OSBPL3: variants seen among roughly 807,000 people sequenced by gnomAD.
OSBPL3 encodes oxysterol-binding protein-related protein 3.
OSBPL3 carries 65 observed loss-of-function variants against 120.1 expected under a neutral mutation model. The ratio of observed to expected loss-of-function variants is 0.54; its 90% CI spans 0.44 to 0.67. OSBPL3 has a LOEUF of 0.67. Ranked by LOEUF, OSBPL3 falls within the 30% of genes least tolerant of loss-of-function variation. OSBPL3 has a pLI of 0.00. For synonymous variants in OSBPL3, 416 were observed against 402.6 expected (o/e 1.03, Z -0.40); for missense variants, 1,004 against 1,082.1 (o/e 0.93, Z 1.01).
At chr7:24,888,453 A>G (rs1236952473) in intron 2 of OSBPL3, among the ~76,000 whole-genome samples, 1 of 152,232 alleles carries the variant, frequency 6.6e-6, no homozygotes, top group Non-Finnish European at 1.5e-5. Context: ...ATCACTATGC[A>G]TACCTTTCTC....
Position 24,831,665 on chromosome 7 carries a change from A to G in OSBPL3, c.1747-760T>C, listed in dbSNP as rs1369558791. Among the ~76,000 whole-genome samples the G allele has an allele frequency of 1.4e-4, 21 of 152,196 alleles. No homozygotes were observed. On this transcript the variant is annotated intron_variant, in intron 15 of 22. Transcript: ENST00000313367. This position sits in a 1 kb window ranked among gnomAD's most constrained non-coding sequence, Gnocchi z 4.0. The stretch of plus-strand genomic sequence containing the variant: ...TGTCTTTTCTTCCATGTATGTAACA[A>G]CAGTTAAGCCTAAGCAGGGATGTCC...
chr7:24,842,235 CAA>C, intron 13 of OSBPL3, 42 bp downstream of exon 13: 1 of 1,594,982 alleles, frequency 6.3e-7, no homozygotes, highest in African/African-American at 1.3e-5. Flanking sequence ...AGCAAAGCAA[CAA>C]GAGAGATTTT....
In OSBPL3 at chr7:24,916,970, TAGA is replaced by T. The variant is rs1401315341; in HGVS notation, c.-149-24352_-149-24350del. Among the ~76,000 whole-genome samples the T allele has an allele frequency of 2.0e-5, 3 of 151,116 alleles. No individual in the cohort carries two copies. On this transcript the variant is annotated intron_variant, in intron 1 of 22. Transcript: ENST00000313367. This position sits in a 1 kb window ranked among gnomAD's most constrained non-coding sequence, Gnocchi z 4.9. ...AATAAATAACTCCTATTTGATGACT[TAGA>T]AGAAGGAAGGAAGGATGGGTATATG...
chr7:24,962,784 G>A (rs1212367233), intron 1 of OSBPL3, among the ~76,000 whole-genome samples: 2 of 152,092 alleles, frequency 1.3e-5, no homozygotes, highest in African/African-American at 4.8e-5. Context: ...ACTTTTGGAC[G>A]TTTTAGCAAC....
In OSBPL3 at chr7:24,871,615, G is replaced by A. The variant is rs1802122371; in HGVS notation, c.267+127C>T. The A allele has an allele frequency of 1.4e-6, 1 of 720,258 alleles. No homozygotes were observed. Among genetic ancestry groups the A allele is most frequent in the South Asian group, 1.8e-5 (1 of 54,480 alleles). The allele number at this position is 720,258 out of a possible 1,614,324, so 44.6% of individuals were successfully genotyped here. A position where few individuals can be genotyped will look rare whatever the true frequency, so the allele number is the denominator to read the frequency against. On this transcript the variant is annotated intron_variant, in intron 4 of 22. Transcript: ENST00000313367. The surrounding 1 kb of genome is among the most constrained non-coding windows in gnomAD (Gnocchi z 4.8). ...CCTGGAACCCAGAGCTCAGACAGAA[G>A]TGTTTCCCCTCTATGGTTTCCAGTT...
rs747451366 is a variant in OSBPL3 at position 24,866,250 on chromosome 7, C to A, written c.382-13G>T. On this transcript the variant is annotated splice_polypyrimidine_tract_variant and intron_variant, in intron 5 of 22. Coordinates refer to ENST00000313367, the MANE Select transcript of OSBPL3 (RefSeq NM_015550.4). ...CTTCTGACTTGACCTATAATATATT[C>A]GATTGAAAAAAGGAAACAAGAGAAT... The A allele has an allele frequency of 1.3e-6, 2 of 1,584,530 alleles. No individual in the cohort carries two copies. Among genetic ancestry groups the A allele is most frequent in the Admixed American group, 3.4e-5 (2 of 58,566 alleles).
intron 20 of OSBPL3, among the ~76,000 whole-genome samples, chr7:24,807,878 G>A (rs1244741253): frequency 6.6e-6 from 1 of 152,028 alleles, no homozygotes; most frequent in African/African-American, 2.4e-5. Flanking sequence ...AGAAATGCTT[G>A]CCAGTAACTC....
intron 1 of OSBPL3, among the ~76,000 whole-genome samples, chr7:24,923,619 A>C (rs1810678991): frequency 1.3e-5 from 2 of 152,232 alleles, no homozygotes; most frequent in African/African-American, 4.8e-5. Context: ...CAGGAGTCCC[A>C]GAGAAATACA....
intron 15 of OSBPL3, among the ~76,000 whole-genome samples, chr7:24,832,130 C>A (rs1796441444): frequency 1.3e-5 from 2 of 150,658 alleles, no homozygotes; most frequent in Non-Finnish European, 2.9e-5. Context: ...CTGATTGAGC[C>A]CAGGAGGTCG....
chr7:24,822,121 A>G lies in OSBPL3; in HGVS notation c.1885-1883T>C, dbSNP rs556143796. Among the ~76,000 whole-genome samples the G allele has an allele frequency of 1.3e-5, 2 of 152,006 alleles. No homozygotes were observed. Among genetic ancestry groups the G allele is most frequent in the East Asian group, 3.9e-4 (2 of 5,172 alleles). ...ACTCCTGGCCTCAAGTGATCTTCCC[A>G]CCTCAGCCTCCCAAAGTGCTGGGAT... is the stretch of plus-strand genomic sequence containing the variant. On this transcript the variant is annotated intron_variant, in intron 16 of 22. Transcript: ENST00000313367. This position sits in a 1 kb window ranked among gnomAD's most constrained non-coding sequence, Gnocchi z 5.8.
chr7:24,926,908 T>C (rs1194821760), intron 1 of OSBPL3, among the ~76,000 whole-genome samples: 2 of 152,248 alleles, frequency 1.3e-5, no homozygotes, highest in African/African-American at 2.4e-5. Context: ...TGCATCCATG[T>C]AAATAAAACC....
At chr7:24,839,479 A>C (rs927615466) in intron 14 of OSBPL3, among the ~76,000 whole-genome samples, 1 of 152,186 alleles carries the variant, frequency 6.6e-6, no homozygotes, top group Admixed American at 6.5e-5. Context: ...CCAGTAATAA[A>C]GGGTCATCTT....
rs918593340 is a variant in OSBPL3 at position 24,879,451 on chromosome 7, G to A, written c.97-7382C>T. On this transcript the variant is annotated intron_variant, in intron 2 of 22. Coordinates refer to ENST00000313367, the MANE Select transcript of OSBPL3 (RefSeq NM_015550.4). The surrounding 1 kb of genome is among the most constrained non-coding windows in gnomAD (Gnocchi z 5.6). ...ACACAGATGTAGCTCTCCAACCTCA[G>A]GCCAGAGCTAGGGAAGTGAATATCC... 6.6e-6 allele frequency among the ~76,000 whole-genome samples: 1 copy of A among 152,138 alleles called. No homozygotes were observed. Among genetic ancestry groups the A allele is most frequent in the Non-Finnish European group, 1.5e-5 (1 of 68,038 alleles).
chr7:24,978,417 G>A (rs751473620), intron 1 of OSBPL3, among the ~76,000 whole-genome samples: 16 of 152,190 alleles, frequency 1.1e-4, no homozygotes, highest in South Asian at 2.1e-4. Context: ...TGCATTCCTG[G>A]TACTTACATC....
rs1802322426 is a variant in OSBPL3, at chr7:24,872,571, ATAAT to A, written c.97-506_97-503del. 6.6e-6 allele frequency among the ~76,000 whole-genome samples: 1 copy of A among 152,054 alleles called. No homozygotes were observed. Among genetic ancestry groups the A allele is most frequent in the Admixed American group, 6.6e-5 (1 of 15,254 alleles). The stretch of plus-strand genomic sequence containing the variant: ...CAGTAAATATGACAACTTGATTGAA[ATAAT>A]TATTTTGTTGAAAATCAGCATCCAC... On this transcript the variant is annotated intron_variant, in intron 2 of 22. Coordinates refer to ENST00000313367, the MANE Select transcript of OSBPL3 (RefSeq NM_015550.4). The surrounding 1 kb of genome is among the most constrained non-coding windows in gnomAD (Gnocchi z 4.1).
chr7:24,959,831 T>C lies in OSBPL3; in HGVS notation c.-150+20055A>G, dbSNP rs1815515181. Among the ~76,000 whole-genome samples, 1 of 152,198 alleles carries C rather than the reference T, an allele frequency of 6.6e-6. No homozygotes were observed. The highest frequency in any genetic ancestry group is 2.4e-5 in the African/African-American group (1 of 41,460). On this transcript the variant is annotated intron_variant, in intron 1 of 22. Coordinates refer to ENST00000313367, the MANE Select transcript of OSBPL3 (RefSeq NM_015550.4). The surrounding 1 kb of genome is among the most constrained non-coding windows in gnomAD (Gnocchi z 4.3). ...TAAAACCCAGCTGACCTGGACTGGT[T>C]TGACCAAAGAGCCTACCACTGAAAA...
chr7:24,882,935 G>A (rs1803933588), intron 2 of OSBPL3, among the ~76,000 whole-genome samples: 1 of 151,958 alleles, frequency 6.6e-6, no homozygotes, highest in South Asian at 2.1e-4. Flanking sequence ...TTTTGTTGTT[G>A]TGGTTGAGCT....
chr7:24,963,847 A>C (rs746310009), intron 1 of OSBPL3, among the ~76,000 whole-genome samples: 3 of 152,216 alleles, frequency 2.0e-5, no homozygotes, highest in Non-Finnish European at 4.4e-5. Context: ...TAGTGGATCA[A>C]GACCAATATC....
rs1169942388 is a variant in OSBPL3, at chr7:24,820,750, G to A, written c.1885-512C>T. ...TGAAAACTCTGCATCATAAAGTCCA[G>A]CCTCTTTTCAAATCACCTACAAGAA... is the stretch of plus-strand genomic sequence containing the variant. On this transcript the variant is annotated intron_variant, in intron 16 of 22. Transcript: ENST00000313367. The surrounding 1 kb of genome is among the most constrained non-coding windows in gnomAD (Gnocchi z 4.6). Among the ~76,000 whole-genome samples the A allele has an allele frequency of 1.3e-5, 2 of 150,778 alleles. No individual in the cohort carries two copies. The highest frequency in any genetic ancestry group is 4.9e-5 in the African/African-American group (2 of 40,854).
Sources: gnomAD v4.1 joint callset for allele counts (sites outside exome capture counted in the v4.1 genomes callset) on GRCh38, gnomAD v4.1.1 for gene constraint, Gnocchi (gnomAD v3.1) non-coding constraint, MANE v1.5 for transcripts, NCBI Gene and HGNC (gene_info 2026-07-23, HGNC 2026-07-21) for gene names.